GNB2: variants seen among roughly 807,000 people sequenced by gnomAD.
The protein encoded by GNB2 is G protein subunit beta 2, also known as guanine nucleotide-binding protein G(I)/G(S)/G(T) subunit beta-2.
GNB2 carries 7 observed loss-of-function variants against 40.7 expected under a neutral mutation model. The observed-to-expected ratio is 0.17, with a 90% confidence interval of 0.10 to 0.32. The LOEUF is 0.32. Ranked by LOEUF, GNB2 falls within the 10% of genes least tolerant of loss-of-function variation. GNB2 has a pLI of 1.00. For synonymous variants in GNB2, 254 were observed against 191.2 expected (o/e 1.33, Z -2.71); for missense variants, 286 against 473.0 (o/e 0.60, Z 3.67).
chr7:100,677,967 C>T (rs1477062512), intron 7 of GNB2, 131 bp from the exon 8 acceptor site: 4 of 1,001,014 alleles, frequency 4.0e-6, no homozygotes, highest in African/African-American at 3.2e-5. Flanking sequence ...GTCCCCTCCC[C>T]ACCTAAGGCT....
Position 100,678,815 on chromosome 7 carries a change from A to C in GNB2, c.*14A>C. 1 of 1,576,326 alleles carries C rather than the reference A, an allele frequency of 6.3e-7. No homozygotes were observed. The highest frequency in any genetic ancestry group is 8.7e-7 in the Non-Finnish European group (1 of 1,146,232). On this transcript the variant is annotated 3_prime_UTR_variant, in exon 10 of 10. Coordinates refer to ENST00000303210, the MANE Select transcript of GNB2 (RefSeq NM_005273.4). ...ATCTGGAACTAATGGCCCCACCCCC[A>C]CTGGGCCCAGGCCAGGAGGGGCCCT...
At chr7:100,675,316 G>A (rs955558658) in intron 1 of GNB2, 14 of 152,084 alleles carry the variant, frequency 9.2e-5, no homozygotes, top group Non-Finnish European at 1.9e-4. Context: ...GCTTTCTGCG[G>A]GCGCGGCGGG....
chr7:100,678,000 C>G, intron 7 of GNB2, 98 bp from the exon 8 acceptor site: 1 of 1,146,078 alleles, frequency 8.7e-7, no homozygotes, highest in East Asian at 2.4e-5. Flanking sequence ...TCCCTGGACC[C>G]TTCCACAGGG....
intron 4 of GNB2, 42 bp from the exon 5 acceptor site, chr7:100,677,310 T>C: frequency 6.4e-7 from 1 of 1,550,658 alleles, no homozygotes; most frequent in Non-Finnish European, 8.9e-7. Flanking sequence ...GTGTCTTGTT[T>C]TCACGCCACC....
rs11558713 is a variant in GNB2 at position 100,673,844 on chromosome 7, G to T, written c.-169G>T. On this transcript the variant is annotated 5_prime_UTR_variant, in exon 1 of 10. Coordinates refer to ENST00000303210, the MANE Select transcript of GNB2 (RefSeq NM_005273.4). ...CGCCGCCGCCGCCGCCGCCGCCGCC[G>T]CCGCCGCCTCCGCCGCGGAGGAAGA... The T allele has an allele frequency of 5.3e-6, 1 of 190,396 alleles. No individual in the cohort carries two copies. Among genetic ancestry groups the T allele is most frequent in the Non-Finnish European group, 1.0e-5 (1 of 97,506 alleles). The allele number at this position is 190,396 out of a possible 1,614,324, so 11.8% of individuals were successfully genotyped here. A position where few individuals can be genotyped will look rare whatever the true frequency, so the allele number is the denominator to read the frequency against.
chr7:100,677,094 T>C, intron 4 of GNB2: 2 of 593,534 alleles, frequency 3.4e-6, no homozygotes, highest in Non-Finnish European at 6.0e-6. Flanking sequence ...GGCAACATAG[T>C]GAGACCCTGG....
chr7:100,676,861 C>G (rs1027510902), intron 4 of GNB2, 62 bp downstream of exon 4: 1 of 984,672 alleles, frequency 1.0e-6, no homozygotes, highest in Non-Finnish European at 1.5e-6. Flanking sequence ...TGGGAGCAGC[C>G]TCAGATCTGG....
intron 5 of GNB2, 40 bp downstream of exon 5, chr7:100,677,455 G>T: frequency 6.2e-7 from 1 of 1,613,014 alleles, no homozygotes; most frequent in South Asian, 1.1e-5. Context: ...AGGGCCACAG[G>T]GCCCTGGCTG....
chr7:100,677,841 C>T (rs1312795395), intron 7 of GNB2, 23 bp downstream of exon 7: 3 of 1,602,390 alleles, frequency 1.9e-6, no homozygotes, highest in Non-Finnish European at 1.7e-6. Flanking sequence ...CAGGGCTGGG[C>T]AGTCTGGGCA....
At chr7:100,678,367 C>A in intron 8 of GNB2, 31 bp from the exon 9 acceptor site, 1 of 1,606,754 alleles carries the variant, frequency 6.2e-7, no homozygotes, top group Non-Finnish European at 8.5e-7. Context: ...TCACCCTCAC[C>A]CTCACCCCAT....
In GNB2 at chr7:100,678,514, C is replaced by T. The variant is rs762313075; in HGVS notation, c.816C>T (p.Gly272=). ...LMYSHDNIIC[G]ITSVAFSRSG... is the part of the protein sequence containing the mutation. Reference sequence around the variant, plus strand: ...ACTCCCATGACAACATCATCTGTGGCATCACCTCTGTTGCCTTCTCGCGCA... The same window carrying T: ...ACTCCCATGACAACATCATCTGTGGTATCACCTCTGTTGCCTTCTCGCGCA... Residue 272 remains glycine, a synonymous_variant, in exon 9 of 10, where the codon GGC becomes GGT. Transcript: ENST00000303210. The T allele has an allele frequency of 2.5e-6, 4 of 1,613,748 alleles. No individual in the cohort carries two copies. Among genetic ancestry groups the T allele is most frequent in the East Asian group, 4.5e-5 (2 of 44,900 alleles).
At position 100,677,596 on chromosome 7, in the gene GNB2, C is replaced by T. The variant is rs749323459; in HGVS notation, c.366C>T (p.Ser122=). 3 of 1,613,294 alleles carry T rather than the reference C, an allele frequency of 1.9e-6. No individual in the cohort carries two copies. The highest frequency in any genetic ancestry group is 4.5e-5 in the East Asian group (2 of 44,894). The stretch of plus-strand genomic sequence containing the variant: ...GTGGGGGGTTGGACAACATCTGCTC[C>T]ATCTACAGCCTCAAGACCCGCGAGG... ...VACGGLDNIC[S]IYSLKTREGN... Residue 122 remains serine, a synonymous_variant, in exon 6 of 10, where the codon TCC becomes TCT. Coordinates refer to ENST00000303210, the MANE Select transcript of GNB2 (RefSeq NM_005273.4).
chr7:100,675,930 A>C, intron 1 of GNB2: 10 of 283,850 alleles, frequency 3.5e-5, no homozygotes, highest in East Asian at 1.5e-4. Flanking sequence ...TGTCCGAGGG[A>C]GGGGTTTCCC....
chr7:100,676,617 G>A, intron 3 of GNB2, 44 bp downstream of exon 3: 1 of 1,575,626 alleles, frequency 6.3e-7, no homozygotes, highest in Non-Finnish European at 8.7e-7. Flanking sequence ...GGTTGAAGGG[G>A]CAAGGATCAG....
rs1244510071 is a variant in GNB2 at position 100,678,873 on chromosome 7, G to T, written c.*72G>T. On this transcript the variant is annotated 3_prime_UTR_variant, in exon 10 of 10. Coordinates refer to ENST00000303210, the MANE Select transcript of GNB2 (RefSeq NM_005273.4). ...CCCACACTACAGGCCAGGGCTGCGG[G>T]GCTGGCGCAATCCCAGCCCCCTTCC... 2.5e-6 allele frequency: 3 copies of T among 1,201,334 alleles called. No individual in the cohort carries two copies. The highest frequency in any genetic ancestry group is 2.4e-5 in the East Asian group (1 of 41,932). 74.4% of individuals were successfully genotyped at this position (1,201,334 alleles called of 1,614,324 possible).
rs1369385487 is a variant in GNB2, at chr7:100,678,822, C to T, written c.*21C>T. ...ACTAATGGCCCCACCCCCACTGGGC[C>T]CAGGCCAGGAGGGGCCCTGCCCATG... On this transcript the variant is annotated 3_prime_UTR_variant, in exon 10 of 10. Transcript: ENST00000303210. 6.4e-7 allele frequency: 1 copy of T among 1,569,062 alleles called. No homozygotes were observed. The highest frequency in any genetic ancestry group is 8.8e-7 in the Non-Finnish European group (1 of 1,139,832).
intron 1 of GNB2, chr7:100,675,160 C>G (rs1002755749): frequency 1.3e-5 from 2 of 150,636 alleles, no homozygotes; most frequent in Non-Finnish European, 3.0e-5. Context: ...GGGCGCCGAG[C>G]CTGCGGGCTG....
Position 100,679,111 on chromosome 7 carries a change from T to TA in GNB2, c.*311dup, listed in dbSNP as rs1211146135. On this transcript the variant is annotated 3_prime_UTR_variant, in exon 10 of 10. Coordinates refer to ENST00000303210, the MANE Select transcript of GNB2 (RefSeq NM_005273.4). Reference sequence around the variant, plus strand: ...GGGCTGGCTTTTTTAAAACTGGTTTTATTTTAATTTTTATTATATTTTCAG... The same window carrying TA: ...GGGCTGGCTTTTTTAAAACTGGTTTTAATTTTAATTTTTATTATATTTTCAG... The TA allele has an allele frequency of 1.5e-5, 5 of 335,920 alleles. No individual in the cohort carries two copies. Among genetic ancestry groups the TA allele is most frequent in the Non-Finnish European group, 2.7e-5 (5 of 184,182 alleles). The allele number at this position is 335,920 out of a possible 1,614,324, so 20.8% of individuals were successfully genotyped here. A position where few individuals can be genotyped will look rare whatever the true frequency, so the allele number is the denominator to read the frequency against.
Position 100,676,802 on chromosome 7 carries a change from G to A in GNB2, c.203+3G>A, listed in dbSNP as rs1462399695. 1.3e-6 allele frequency: 2 copies of A among 1,536,796 alleles called. No homozygotes were observed. Among genetic ancestry groups the A allele is most frequent in the African/African-American group, 2.7e-5 (2 of 73,264 alleles). On this transcript the variant is annotated splice_donor_region_variant and intron_variant, in intron 4 of 9. Transcript: ENST00000303210. ...ATGCACTGGGGGACCGACTCAAGGT[G>A]TGTGTGTGTGCGCGGGCTGGCGCTG...
Sources: gnomAD v4.1 joint callset for allele counts on GRCh38, gnomAD v4.1.1 for gene constraint, MANE v1.5 for transcripts, NCBI Gene and HGNC (gene_info 2026-07-23, HGNC 2026-07-21) for gene names.